NECAB1: variants seen among roughly 807,000 people sequenced by gnomAD.
The protein encoded by NECAB1 is N-terminal EF-hand calcium binding protein 1, also known as N-terminal EF-hand calcium-binding protein 1.
Under a neutral mutation model 57.5 loss-of-function variants are expected in NECAB1, and 29 were observed. The observed-to-expected ratio is 0.50, with a 90% confidence interval of 0.38 to 0.69. NECAB1 has a LOEUF of 0.69. Among genes scored for constraint, NECAB1 ranks in the 30% least tolerant of loss-of-function variants. NECAB1 has a pLI of 0.00. For synonymous variants in NECAB1, 142 were observed against 147.7 expected, an observed-to-expected ratio of 0.96 and a Z score of 0.28; for missense variants, 372 against 413.8, an observed-to-expected ratio of 0.90 and a Z score of 0.88.
chr8:90,896,669 A>G (rs569837121), intron 5 of NECAB1, among the ~76,000 whole-genome samples: 2 of 152,290 alleles, frequency 1.3e-5, no homozygotes, highest in East Asian at 1.9e-4. Flanking sequence ...AGTATGTTCA[A>G]TTCTCTGCCT....
chr8:90,930,552 CCCTCATGTCGTG>C lies in NECAB1; in HGVS notation c.693+2254_693+2265del, dbSNP rs796943696. ...TTAGACATATTTCCACAAAGATGAA[CCCTCATGTCGTG>C]AGGATGGGTAAGGTCTCTGAAAAGG... On this transcript the variant is annotated intron_variant, in intron 8 of 12. Transcript: ENST00000417640. 2.0e-5 allele frequency among the ~76,000 whole-genome samples: 3 copies of C among 152,154 alleles called. No homozygotes were observed. The South Asian group carries it at 6.2e-4, about 32-fold the overall frequency.
intron 7 of NECAB1, 101 bp downstream of exon 7, chr8:90,925,757 A>T: frequency 3.4e-6 from 5 of 1,458,940 alleles, no homozygotes; most frequent in Non-Finnish European, 3.7e-6. Context: ...TAGTAATGGA[A>T]CACTTTCCTT....
At chr8:90,839,281 C>G (rs16905437) in intron 3 of NECAB1, among the ~76,000 whole-genome samples, 22,153 of 152,074 alleles carry the variant, frequency 0.15, 2,893 homozygotes, top group African/African-American at 0.35. Flanking sequence ...GAGAGGACAC[C>G]GTTAAATTTG....
In NECAB1 at chr8:90,875,727, C is replaced by T. The variant is rs373201274; in HGVS notation, c.259+3574C>T. On this transcript the variant is annotated intron_variant, in intron 4 of 12. Transcript: ENST00000417640. ...ATAAGATGGATAAAAACTGAGGGTA[C>T]GGGGGCCGGGCGCGGTGGCTCACGC... Among the ~76,000 whole-genome samples, 7 of 146,702 alleles carry T rather than the reference C, an allele frequency of 4.8e-5. No individual in the cohort carries two copies. The South Asian group carries it at 1.1e-3, about 23-fold the overall frequency.
At chr8:90,908,403 G>C (rs73298024) in intron 5 of NECAB1, among the ~76,000 whole-genome samples, 2,284 of 152,100 alleles carry the variant, frequency 0.015, 66 homozygotes, top group African/African-American at 0.053. Flanking sequence ...ACTTAAAAAC[G>C]TAACATTTGG....
At chr8:90,819,605 A>G (rs745893819) in intron 2 of NECAB1, among the ~76,000 whole-genome samples, 5 of 151,852 alleles carry the variant, frequency 3.3e-5, no homozygotes, top group Non-Finnish European at 7.4e-5. Context: ...GCTGTCATTC[A>G]CCAATATCAT....
chr8:90,807,341 A>G lies in NECAB1; in HGVS notation c.124+5626A>G, dbSNP rs559346255. 8.1e-4 allele frequency among the ~76,000 whole-genome samples: 123 copies of G among 152,350 alleles called. 1 individual carries two copies. Among genetic ancestry groups the G allele is most frequent in the Non-Finnish European group, 1.4e-3 (94 of 68,034 alleles). On this transcript the variant is annotated intron_variant, in intron 2 of 12. Transcript: ENST00000417640. ...GTAAGAATTGGTAATAGTCTTTCCAAACCGGTCACCTAAAGTTTGGTTTAT... is the reference window on the plus strand; with the variant it reads ...GTAAGAATTGGTAATAGTCTTTCCAGACCGGTCACCTAAAGTTTGGTTTAT...
intron 3 of NECAB1, among the ~76,000 whole-genome samples, chr8:90,851,062 A>G (rs1454142799): frequency 6.6e-6 from 1 of 152,202 alleles, no homozygotes; most frequent in African/African-American, 2.4e-5. Flanking sequence ...AACTGCCTAT[A>G]TAATGAGGCC....
At chr8:90,923,478 T>C (rs999545918) in intron 6 of NECAB1, among the ~76,000 whole-genome samples, 2 of 152,328 alleles carry the variant, frequency 1.3e-5, no homozygotes, top group Admixed American at 1.3e-4. Flanking sequence ...CCCTGAAGAA[T>C]AGGCCCAGCC....
At chr8:90,813,861 G>C (rs1440710437) in intron 2 of NECAB1, among the ~76,000 whole-genome samples, 1 of 152,170 alleles carries the variant, frequency 6.6e-6, no homozygotes, top group African/African-American at 2.4e-5. Flanking sequence ...CTAGTGTACA[G>C]AGTTCCCATA....
intron 1 of NECAB1, among the ~76,000 whole-genome samples, chr8:90,793,122 A>G (rs1347710780): frequency 6.6e-6 from 1 of 152,172 alleles, no homozygotes; most frequent in African/African-American, 2.4e-5. Context: ...TTGTGGAGAG[A>G]TGAAAATATG....
At chr8:90,850,848 A>G (rs10108616) in intron 3 of NECAB1, among the ~76,000 whole-genome samples, 70,218 of 152,026 alleles carry the variant, frequency 0.46, 19,671 homozygotes, top group East Asian at 0.77. Flanking sequence ...GATGAGAGGA[A>G]CATCTTTTGT....
At chr8:90,846,442 T>C (rs913884942) in intron 3 of NECAB1, among the ~76,000 whole-genome samples, 1 of 152,254 alleles carries the variant, frequency 6.6e-6, no homozygotes, top group African/African-American at 2.4e-5. Context: ...ATTGAATCTA[T>C]GAACTTTGCT....
chr8:90,886,380 C>A (rs538858965), intron 5 of NECAB1, among the ~76,000 whole-genome samples: 71 of 151,956 alleles, frequency 4.7e-4, no homozygotes, highest in Non-Finnish European at 4.4e-4. Flanking sequence ...ATAATGTACT[C>A]AGTTTTGTGT....
intron 10 of NECAB1, among the ~76,000 whole-genome samples, chr8:90,944,133 T>TTA (rs915025661): frequency 6.6e-6 from 1 of 152,138 alleles, no homozygotes; most frequent in African/African-American, 2.4e-5. Context: ...AAAAAAAACT[T>TTA]ATTAAAGTTT....
At chr8:90,954,957 AT>A (rs1810995494) in intron 12 of NECAB1, among the ~76,000 whole-genome samples, 1 of 145,024 alleles carries the variant, frequency 6.9e-6, no homozygotes, top group Non-Finnish European at 1.5e-5. Flanking sequence ...ATGTATACAT[AT>A]TATATGTATA....
chr8:90,872,930 A>T (rs1033764168), intron 4 of NECAB1, among the ~76,000 whole-genome samples: 1 of 152,214 alleles, frequency 6.6e-6, no homozygotes, highest in South Asian at 2.1e-4. Flanking sequence ...AGAACTCCTC[A>T]TTGAAACTAT....
intron 3 of NECAB1, among the ~76,000 whole-genome samples, chr8:90,838,326 A>G (rs1812403603): frequency 1.3e-5 from 2 of 152,262 alleles, no homozygotes; most frequent in African/African-American, 4.8e-5. Flanking sequence ...TAAAAGCATC[A>G]TAAAACCTCT....
At chr8:90,917,978 ATATATATACATATATGTGTGTGTG>A (rs1318580978) in intron 6 of NECAB1, among the ~76,000 whole-genome samples, 4 of 133,816 alleles carry the variant, frequency 3.0e-5, no homozygotes, top group East Asian at 2.4e-4. Flanking sequence ...GTGTGTGTGT[ATATATATACATATATGTGTGTGTG>A]TATATATATA....
Sources: allele counts gnomAD v4.1 joint callset (sites outside exome capture counted in the v4.1 genomes callset), GRCh38; gene constraint gnomAD v4.1.1; transcripts MANE v1.5; gene names NCBI Gene and HGNC (gene_info 2026-07-23, HGNC 2026-07-21).